Variants in KSR1 observed in about 807,000 individuals in gnomAD.
KSR1 encodes the protein kinase suppressor of ras.
KSR1 carries 35 observed loss-of-function variants against 92.9 expected under a neutral mutation model. The observed-to-expected ratio is 0.38, with a 90% CI of 0.29 to 0.50. The LOEUF (loss-of-function observed/expected upper bound fraction) is 0.50. KSR1 is among the 20% of genes least tolerant of loss of function. The probability of loss-of-function intolerance (pLI) is 0.94; values close to 1 mark genes in which losing one functional copy is unlikely to be tolerated. For missense variants in KSR1, 972 were observed against 1,158.5 expected (o/e 0.84, Z 2.34); for synonymous variants, 467 against 472.6 (o/e 0.99, Z 0.15).
In KSR1 at chr17:27,623,463, C is replaced by A. The variant is rs757125109; in HGVS notation, c.*71C>A. On this transcript the variant is annotated 3_prime_UTR_variant, in exon 21 of 21. Transcript: ENST00000644974. Reference sequence around the variant, plus strand: ...TGTTTCTGAAACATCCCAACAACCACCACGACAAAAAAACACTGCCTGCCC... The same window carrying A: ...TGTTTCTGAAACATCCCAACAACCAACACGACAAAAAAACACTGCCTGCCC... The A allele has an allele frequency of 1.4e-6, 1 of 709,778 alleles. No homozygotes were observed. Among genetic ancestry groups the A allele is most frequent in the Admixed American group, 2.0e-5 (1 of 50,340 alleles). 44.0% of individuals were successfully genotyped at this position (709,778 alleles called of 1,614,324 possible).
chr17:27,552,690 C>T (rs1299509626), intron 2 of KSR1, among the ~76,000 whole-genome samples: 1 of 152,212 alleles, frequency 6.6e-6, no homozygotes, highest in Non-Finnish European at 1.5e-5. Context: ...GCACTCCCCT[C>T]TTCCCATGCC....
intron 11 of KSR1, among the ~76,000 whole-genome samples, chr17:27,602,508 C>T (rs1185294569): frequency 1.3e-5 from 2 of 152,194 alleles, no homozygotes; most frequent in Non-Finnish European, 2.9e-5. Context: ...TTAAAGCAAA[C>T]GTGGACACAT....
chr17:27,506,236 G>C (rs1019622898), intron 1 of KSR1, among the ~76,000 whole-genome samples: 1 of 152,262 alleles, frequency 6.6e-6, no homozygotes, highest in East Asian at 1.9e-4. Context: ...GGCTCAGTGT[G>C]GCCTTGGCCC....
At chr17:27,599,986 G>T (rs2073492911) in intron 10 of KSR1, among the ~76,000 whole-genome samples, 1 of 151,978 alleles carries the variant, frequency 6.6e-6, no homozygotes. Flanking sequence ...CCCACCGGAA[G>T]GTCTTCGGGG....
chr17:27,521,357 A>G (rs1178384211), intron 1 of KSR1, among the ~76,000 whole-genome samples: 1 of 149,350 alleles, frequency 6.7e-6, no homozygotes, highest in Non-Finnish European at 1.5e-5. Flanking sequence ...TTTTTTTGAA[A>G]CAGGGTCTAG....
At chr17:27,515,983 A>G (rs1334716317) in intron 1 of KSR1, among the ~76,000 whole-genome samples, 3 of 152,120 alleles carry the variant, frequency 2.0e-5, no homozygotes, top group Non-Finnish European at 4.4e-5. Flanking sequence ...TGGCTGACTT[A>G]ATGCTAATTT....
At chr17:27,520,270 C>T (rs1329404235) in intron 1 of KSR1, among the ~76,000 whole-genome samples, 1 of 152,130 alleles carries the variant, frequency 6.6e-6, no homozygotes, top group Non-Finnish European at 1.5e-5. Flanking sequence ...AGAAGATGGC[C>T]TTCTATAAAG....
At chr17:27,490,482 A>C (rs573182430) in intron 1 of KSR1, among the ~76,000 whole-genome samples, 1 of 152,272 alleles carries the variant, frequency 6.6e-6, no homozygotes, top group Non-Finnish European at 1.5e-5. Context: ...TTCCCGAGTG[A>C]AATCTTACAT....
chr17:27,549,249 TG>T (rs1411045007), intron 1 of KSR1, among the ~76,000 whole-genome samples: 1 of 152,192 alleles, frequency 6.6e-6, no homozygotes, highest in Non-Finnish European at 1.5e-5. Flanking sequence ...GGGGGACACT[TG>T]GAAGTCACCA....
chr17:27,623,121 C>G (rs2074270291), intron 20 of KSR1, 193 bp from the exon 21 acceptor site: 1 of 616,078 alleles, frequency 1.6e-6, no homozygotes, highest in South Asian at 1.9e-5. Flanking sequence ...CCAAGTAGGA[C>G]TACTTGGAGT....
chr17:27,550,449 C>T (rs1325528958), intron 1 of KSR1, 119 bp from the exon 2 acceptor site: 1 of 693,228 alleles, frequency 1.4e-6, no homozygotes, highest in African/African-American at 1.7e-5. Context: ...AGAGGAGAGC[C>T]AGCCCCTTCC....
At chr17:27,542,414 G>A (rs940285547) in intron 1 of KSR1, among the ~76,000 whole-genome samples, 2 of 152,174 alleles carry the variant, frequency 1.3e-5, no homozygotes, top group Non-Finnish European at 2.9e-5. Flanking sequence ...GAGACATGAA[G>A]ATCTGGGCCA....
chr17:27,497,537 G>A (rs1267985362), intron 1 of KSR1, among the ~76,000 whole-genome samples: 1 of 152,208 alleles, frequency 6.6e-6, no homozygotes, highest in African/African-American at 2.4e-5. Context: ...GTGGGACCAG[G>A]AGGAAACAGG....
intron 1 of KSR1, chr17:27,526,585 A>ATCC: frequency 1.9e-6 from 3 of 1,590,000 alleles, no homozygotes; most frequent in Non-Finnish European, 2.6e-6. Flanking sequence ...TATCAGTTGC[A>ATCC]ATTGTAAGAT....
intron 1 of KSR1, among the ~76,000 whole-genome samples, chr17:27,475,529 T>C (rs894233220): frequency 1.3e-5 from 2 of 152,134 alleles, no homozygotes; most frequent in Admixed American, 6.5e-5. Flanking sequence ...GGGTGAGCCA[T>C]GTTTATTCAT....
At chr17:27,569,385 G>C (rs748174989) in intron 2 of KSR1, among the ~76,000 whole-genome samples, 2 of 152,228 alleles carry the variant, frequency 1.3e-5, no homozygotes, top group African/African-American at 4.8e-5. Flanking sequence ...ACAAGATGTG[G>C]GTGTGCCCGC....
In KSR1 at chr17:27,561,491, C is replaced by T. The variant is rs576769656; in HGVS notation, c.372+10783C>T. ...ATGCTTACAGCTAGTGTGATGCACA[C>T]GTCTGCAAATAACTAGGGTGCGTAG... On this transcript the variant is annotated intron_variant, in intron 2 of 20. Transcript: ENST00000644974. 1.5e-4 allele frequency among the ~76,000 whole-genome samples: 23 copies of T among 152,324 alleles called. No homozygotes were observed. In the South Asian group the frequency reaches 3.3e-3, roughly 22 times the overall value.
At chr17:27,457,734 GTGGATTC>G (rs768411161) in intron 1 of KSR1, among the ~76,000 whole-genome samples, 3 of 152,174 alleles carry the variant, frequency 2.0e-5, no homozygotes, top group Non-Finnish European at 4.4e-5. Flanking sequence ...AGGGCAACTA[GTGGATTC>G]TGAATGTGAT....
chr17:27,470,674 C>A (rs567122856), intron 1 of KSR1, among the ~76,000 whole-genome samples: 1 of 152,268 alleles, frequency 6.6e-6, no homozygotes, highest in East Asian at 1.9e-4. Flanking sequence ...CCACACCTAG[C>A]CCCTCCATTT....
Sources: allele counts gnomAD v4.1 joint callset (sites outside exome capture counted in the v4.1 genomes callset), GRCh38; gene constraint gnomAD v4.1.1; transcripts MANE v1.5; gene names NCBI Gene and HGNC (gene_info 2026-07-23, HGNC 2026-07-21).